PLCB1: variants seen among roughly 807,000 people sequenced by gnomAD.
PLCB1 encodes 1-phosphatidylinositol 4,5-bisphosphate phosphodiesterase beta-1.
PLCB1 carries 46 observed loss-of-function variants against 161.8 expected under a neutral mutation model. That is an observed-to-expected ratio of 0.28 (90% CI 0.22 to 0.36). The LOEUF (loss-of-function observed/expected upper bound fraction) is 0.36. Among genes scored for constraint, PLCB1 ranks in the 10% least tolerant of loss-of-function variants. The probability of loss-of-function intolerance (pLI) is 1.00; values close to 1 mark genes in which losing one functional copy is unlikely to be tolerated. For synonymous variants in PLCB1, 517 were observed against 503.7 expected, an observed-to-expected ratio of 1.03 and a Z score of -0.35; for missense variants, 1,016 against 1,472.5, an observed-to-expected ratio of 0.69 and a Z score of 5.07.
intron 2 of PLCB1, among the ~76,000 whole-genome samples, chr20:8,238,949 A>G (rs1484054103): frequency 6.6e-6 from 1 of 151,858 alleles, no homozygotes; most frequent in Non-Finnish European, 1.5e-5. Flanking sequence ...GTGTAGCATC[A>G]TTGGTCGAAA....
intron 2 of PLCB1, among the ~76,000 whole-genome samples, chr20:8,367,522 T>C (rs1986750251): frequency 6.6e-6 from 1 of 152,124 alleles, no homozygotes; most frequent in South Asian, 2.1e-4. Flanking sequence ...ATTTAATAGA[T>C]GAAAAAATTG....
chr20:8,205,871 T>C (rs1257666241), intron 2 of PLCB1, among the ~76,000 whole-genome samples: 2 of 152,092 alleles, frequency 1.3e-5, no homozygotes, highest in Non-Finnish European at 2.9e-5. Flanking sequence ...TGGCTTTGAG[T>C]GTGCATTATA....
intron 11 of PLCB1, among the ~76,000 whole-genome samples, chr20:8,699,014 TGGAGTAGG>T (rs560957324): frequency 2.0e-5 from 3 of 152,044 alleles, no homozygotes; most frequent in Non-Finnish European, 4.4e-5. Flanking sequence ...TAGGGGCCAT[TGGAGTAGG>T]GGAAATCTGG....
chr20:8,777,294 G>A (rs552823268), intron 27 of PLCB1, among the ~76,000 whole-genome samples: 6 of 152,238 alleles, frequency 3.9e-5, no homozygotes, highest in East Asian at 3.9e-4. Context: ...TTCCCAGTAC[G>A]TTACGGGAAG....
At chr20:8,290,570 C>T (rs1983341657) in intron 2 of PLCB1, among the ~76,000 whole-genome samples, 1 of 152,132 alleles carries the variant, frequency 6.6e-6, no homozygotes, top group East Asian at 1.9e-4. Context: ...CTGGTTTTGA[C>T]AGCCAGAGAA....
At chr20:8,183,624 A>G in intron 2 of PLCB1, among the ~76,000 whole-genome samples, 1 of 152,234 alleles carries the variant, frequency 6.6e-6, no homozygotes, top group East Asian at 1.9e-4. Context: ...AGTGTGGCTT[A>G]CAGAAGGAGA....
At chr20:8,690,470 A>G (rs978688095) in intron 10 of PLCB1, among the ~76,000 whole-genome samples, 4 of 152,176 alleles carry the variant, frequency 2.6e-5, no homozygotes, top group Non-Finnish European at 4.4e-5. Context: ...AAGAAATGAC[A>G]TGGGAGTCAA....
intron 3 of PLCB1, among the ~76,000 whole-genome samples, chr20:8,499,737 A>AC (rs965292706): frequency 1.3e-5 from 2 of 152,238 alleles, no homozygotes; most frequent in African/African-American, 4.8e-5. Context: ...ACAGAAGCAC[A>AC]CATTAAGTTA....
intron 10 of PLCB1, among the ~76,000 whole-genome samples, chr20:8,691,388 T>C (rs980408394): frequency 3.3e-5 from 5 of 152,188 alleles, no homozygotes; most frequent in Non-Finnish European, 7.4e-5. Flanking sequence ...AGAAACATTA[T>C]TTCATATAAA....
chr20:8,883,855 TTGAA>T lies in PLCB1; in HGVS notation c.*2007_*2010del, dbSNP rs1476452210. On this transcript the variant is annotated 3_prime_UTR_variant, in exon 32 of 32. Coordinates refer to ENST00000338037, the MANE Select transcript of PLCB1 (RefSeq NM_015192.4). Reference sequence around the variant, plus strand: ...TTGTAAATCATTCTACTTTTGCACTTTGAAAGAAAGGCGTTAATCATAAAGAAGC... The same window carrying T: ...TTGTAAATCATTCTACTTTTGCACTTAGAAAGGCGTTAATCATAAAGAAGC... 6.6e-6 allele frequency: 1 copy of T among 152,544 alleles called. No homozygotes were observed. The highest frequency in any genetic ancestry group is 1.5e-5 in the Non-Finnish European group (1 of 67,978). The allele number at this position is 152,544 out of a possible 1,614,324, so 9.4% of individuals were successfully genotyped here.
At chr20:8,154,430 G>C (rs940316318) in intron 2 of PLCB1, among the ~76,000 whole-genome samples, 7 of 152,262 alleles carry the variant, frequency 4.6e-5, no homozygotes, top group South Asian at 2.1e-4. Flanking sequence ...GTAATAGTCA[G>C]CTGTGTGTAG....
At position 8,882,422 on chromosome 20, in the gene PLCB1, T is replaced by C. The variant is rs1988029429; in HGVS notation, c.*573T>C. ...ATAGAGTCATCAATGTATTTGTTGC[T>C]GACATGGTTTTATTAGATACTGTAG... On this transcript the variant is annotated 3_prime_UTR_variant, in exon 32 of 32. Transcript: ENST00000338037. 1 of 155,954 alleles carries C rather than the reference T, an allele frequency of 6.4e-6. No individual in the cohort carries two copies. The highest frequency in any genetic ancestry group is 1.4e-5 in the Non-Finnish European group (1 of 70,076). 9.7% of individuals were successfully genotyped at this position (155,954 alleles called of 1,614,324 possible).
At chr20:8,514,641 C>T (rs1247631529) in intron 3 of PLCB1, among the ~76,000 whole-genome samples, 1 of 152,016 alleles carries the variant, frequency 6.6e-6, no homozygotes, top group Non-Finnish European at 1.5e-5. Context: ...AATACTGTGC[C>T]CCATAGAGTA....
intron 4 of PLCB1, among the ~76,000 whole-genome samples, chr20:8,636,167 G>A (rs563716762): frequency 6.6e-6 from 1 of 152,258 alleles, no homozygotes; most frequent in South Asian, 2.1e-4. Context: ...CTTCCTTGCA[G>A]GTAGAATACA....
chr20:8,773,994 T>C (rs1982818382), intron 26 of PLCB1, among the ~76,000 whole-genome samples: 1 of 152,048 alleles, frequency 6.6e-6, no homozygotes, highest in Non-Finnish European at 1.5e-5. Context: ...ATAAAATTGT[T>C]AAGAAACAGA....
chr20:8,760,867 G>A lies in PLCB1; in HGVS notation c.2710+407G>A, dbSNP rs1568588433. 2.0e-5 allele frequency among the ~76,000 whole-genome samples: 3 copies of A among 152,310 alleles called. No homozygotes were observed. In the South Asian group the frequency reaches 6.2e-4, roughly 32 times the overall value. The stretch of plus-strand genomic sequence containing the variant: ...TGTTTAAGAACTGTGATACAGTTTG[G>A]AGTTATTTTATATTTGGTTAGTCAC... On this transcript the variant is annotated intron_variant, in intron 25 of 31. Transcript: ENST00000338037.
intron 2 of PLCB1, among the ~76,000 whole-genome samples, chr20:8,245,103 G>A (rs1178413564): frequency 2.0e-5 from 3 of 151,758 alleles, no homozygotes; most frequent in African/African-American, 7.3e-5. Flanking sequence ...ATGTTTATAT[G>A]TATATAAATA....
intron 2 of PLCB1, among the ~76,000 whole-genome samples, chr20:8,276,195 C>T (rs112509894): frequency 7.9e-4 from 120 of 152,296 alleles, no homozygotes; most frequent in African/African-American, 2.7e-3. Context: ...AAATGTATTT[C>T]TGCAGGAATT....
chr20:8,586,042 G>T (rs952433111), intron 3 of PLCB1, among the ~76,000 whole-genome samples: 3 of 152,164 alleles, frequency 2.0e-5, no homozygotes, highest in Admixed American at 6.5e-5. Flanking sequence ...CTCGCTGAAT[G>T]AATGCATGCA....
Sources: allele counts gnomAD v4.1 joint callset (sites outside exome capture counted in the v4.1 genomes callset), GRCh38; gene constraint gnomAD v4.1.1; transcripts MANE v1.5; gene names NCBI Gene and HGNC (gene_info 2026-07-23, HGNC 2026-07-21).